Variants in PBRM1 observed in about 807,000 individuals in gnomAD.
The protein encoded by PBRM1 is protein polybromo-1.
In PBRM1, 27 loss-of-function variants were observed where a neutral mutation model predicts 194.5. That is an observed-to-expected ratio of 0.14 (90% CI 0.10 to 0.19). The LOEUF (loss-of-function observed/expected upper bound fraction) is 0.19. PBRM1 is among the 10% of genes least tolerant of loss of function. The pLI, the probability that PBRM1 is intolerant of heterozygous loss-of-function variation, is 1.00. For synonymous variants in PBRM1, 655 were observed against 693.2 expected, an observed-to-expected ratio of 0.94 and a Z score of 0.87; for missense variants, 1,466 against 2,077.2, an observed-to-expected ratio of 0.71 and a Z score of 5.72.
intron 17 of PBRM1, among the ~76,000 whole-genome samples, chr3:52,600,135 T>G (rs1262923463): frequency 6.6e-6 from 1 of 152,244 alleles, no homozygotes; most frequent in Non-Finnish European, 1.5e-5. Flanking sequence ...CCATCCTTTC[T>G]ATGTGTTGGG....
intron 5 of PBRM1, among the ~76,000 whole-genome samples, chr3:52,653,293 A>G (rs2096543490): frequency 6.6e-6 from 1 of 152,202 alleles, no homozygotes; most frequent in Non-Finnish European, 1.5e-5. Context: ...AAACTTTGTT[A>G]AAGAAATGAA....
At chr3:52,666,095 T>C (rs1027506390) in intron 3 of PBRM1, among the ~76,000 whole-genome samples, 6 of 151,860 alleles carry the variant, frequency 4.0e-5, no homozygotes, top group African/African-American at 1.5e-4. Context: ...AAAGAAGGCA[T>C]AGAGAAAAAA....
intron 11 of PBRM1, among the ~76,000 whole-genome samples, chr3:52,630,339 T>C (rs1351216449): frequency 6.6e-6 from 1 of 152,176 alleles, no homozygotes; most frequent in Non-Finnish European, 1.5e-5. Flanking sequence ...ATCTTCCTTC[T>C]GCCAATAGAT....
intron 15 of PBRM1, among the ~76,000 whole-genome samples, chr3:52,611,216 A>G (rs2094589249): frequency 2.0e-5 from 3 of 152,236 alleles, no homozygotes; most frequent in African/African-American, 7.2e-5. Flanking sequence ...CCACTGGCTA[A>G]TCAAATATTA....
intron 17 of PBRM1, among the ~76,000 whole-genome samples, chr3:52,600,274 T>C (rs1006287881): frequency 1.3e-5 from 2 of 152,228 alleles, no homozygotes; most frequent in Admixed American, 6.5e-5. Context: ...TTCAACCTTT[T>C]AAAATTTCCT....
chr3:52,623,740 A>C (rs1039560707), intron 13 of PBRM1, among the ~76,000 whole-genome samples: 4 of 152,170 alleles, frequency 2.6e-5, no homozygotes, highest in African/African-American at 4.8e-5. Context: ...TTTTCAGATA[A>C]AGTTGAAATG....
chr3:52,586,566 T>G, exon 20 of PBRM1: 4 of 1,614,060 alleles, frequency 2.5e-6, no homozygotes, highest in Non-Finnish European at 3.4e-6. Context: ...CAAACCTGAC[T>G]GAGCTGATGG....
chr3:52,621,152 A>C (rs2095257937), intron 13 of PBRM1, among the ~76,000 whole-genome samples: 1 of 152,156 alleles, frequency 6.6e-6, no homozygotes, highest in Admixed American at 6.6e-5. Context: ...CCAAAACATA[A>C]CCATGACAGA....
intron 1 of PBRM1, chr3:52,684,949 T>C (rs894125258): frequency 2.6e-5 from 4 of 152,214 alleles, no homozygotes; most frequent in African/African-American, 9.6e-5. Flanking sequence ...TGCTACTCTT[T>C]TATGTGCATG....
intron 28 of PBRM1, 46 bp from the exon 31 acceptor site, chr3:52,550,683 A>C: frequency 6.3e-7 from 1 of 1,582,820 alleles, no homozygotes; most frequent in South Asian, 1.1e-5. Context: ...GAGACTCTGC[A>C]CATGTTCTGA....
chr3:52,641,446 C>CAAAAAAAAAAA (rs386396638), intron 10 of PBRM1, among the ~76,000 whole-genome samples: 32 of 69,488 alleles, frequency 4.6e-4, no homozygotes, highest in Non-Finnish European at 6.1e-4. Context: ...GACTCCATCT[C>CAAAAAAAAAAA]AAAAAAAAAA....
intron 17 of PBRM1, among the ~76,000 whole-genome samples, chr3:52,596,477 A>AG (rs2093569216): frequency 1.5e-5 from 2 of 133,604 alleles, no homozygotes; most frequent in African/African-American, 5.6e-5. Flanking sequence ...AAAAAAAAAA[A>AG]AAAGAAATGT....
At chr3:52,629,035 T>C (rs905505292) in exon 12 of PBRM1, 9 of 1,599,170 alleles carry the variant, frequency 5.6e-6, no homozygotes, top group Non-Finnish European at 7.7e-6. Context: ...TCAGTTTTGT[T>C]CTGTGAAAGA....
intron 27 of PBRM1, among the ~76,000 whole-genome samples, chr3:52,553,663 CTTTTTTTTTTT>C (rs71084188): frequency 8.4e-6 from 1 of 119,424 alleles, no homozygotes; most frequent in African/African-American, 3.1e-5. Context: ...CTAATTTTTC[CTTTTTTTTTTT>C]TTTTTTTGAC....
chr3:52,656,932 C>T (rs981862081), intron 5 of PBRM1, among the ~76,000 whole-genome samples: 2 of 149,384 alleles, frequency 1.3e-5, no homozygotes, highest in African/African-American at 4.9e-5. Flanking sequence ...AACTTATAAA[C>T]AAAAGGTATT....
chr3:52,548,747 CATCCCTGATATTTAATAATTACTTCA>C (rs2080100909), intron 29 of PBRM1, among the ~76,000 whole-genome samples: 1 of 152,012 alleles, frequency 6.6e-6, no homozygotes, highest in Admixed American at 6.6e-5. Context: ...TTTTTGTAGG[CATCCCTGATATTTAATAATTACTTCA>C]ATGTTAACAA....
chr3:52,560,562 G>T (rs1421315674), intron 25 of PBRM1: 1 of 152,114 alleles, frequency 6.6e-6, no homozygotes, highest in Non-Finnish European at 1.5e-5. Flanking sequence ...TTTAATATGG[G>T]AATATGCATG....
At chr3:52,625,552 T>A (rs1433772758) in intron 13 of PBRM1, among the ~76,000 whole-genome samples, 4 of 152,044 alleles carry the variant, frequency 2.6e-5, no homozygotes, top group Non-Finnish European at 2.9e-5. Context: ...AAGATTTTTT[T>A]AAATTAAGAA....
chr3:52,591,282 C>T (rs943282087), intron 17 of PBRM1, among the ~76,000 whole-genome samples: 3 of 152,034 alleles, frequency 2.0e-5, no homozygotes, highest in Non-Finnish European at 2.9e-5. Flanking sequence ...GCCAGGACTT[C>T]CAGTACTATG....
Sources: gnomAD v4.1 joint callset for allele counts (sites outside exome capture counted in the v4.1 genomes callset) on GRCh38, gnomAD v4.1.1 for gene constraint, MANE v1.5 for transcripts, NCBI Gene and HGNC (gene_info 2026-07-23, HGNC 2026-07-21) for gene names.